Variants in ADGRL3 observed in about 807,000 individuals in gnomAD.
The protein encoded by ADGRL3 is adhesion G protein-coupled receptor L3.
ADGRL3 carries 62 observed loss-of-function variants against 153.5 expected under a neutral mutation model. The observed-to-expected ratio is 0.40, with a 90% confidence interval of 0.33 to 0.50. ADGRL3 has a LOEUF of 0.50. ADGRL3 is among the 20% of genes least tolerant of loss of function. ADGRL3 has a pLI of 0.47. For missense variants in ADGRL3, 1,641 were observed against 1,859.4 expected (o/e 0.88, Z 2.16); for synonymous variants, 710 against 672.5 (o/e 1.06, Z -0.86).
chr4:61,779,454 G>A (rs549274801), intron 8 of ADGRL3, among the ~76,000 whole-genome samples: 11 of 151,786 alleles, frequency 7.2e-5, no homozygotes, highest in African/African-American at 2.7e-4. Context: ...CCAACATGGT[G>A]AAACCCTGTT....
Position 62,037,804 on chromosome 4 carries a change from C to G in ADGRL3, c.3665C>G (p.Ser1222Ter). 6.2e-7 allele frequency: 1 copy of G among 1,613,710 alleles called. No homozygotes were observed. Among genetic ancestry groups the G allele is most frequent in the Non-Finnish European group, 8.5e-7 (1 of 1,179,732 alleles). Residue 1222 changes from serine (S) to a stop codon, truncating the protein, a stop_gained, in exon 24 of 27, where the codon TCA (serine) becomes TGA (stop). Transcript: ENST00000683033. LOFTEE classifies it high-confidence loss of function. ...AAAAGTACAGAGAGTTCCATTGGTT[C>G]AGGGAAAACATCTGGTTCTCGAACT... ...SGKSTESSIG[S>*]GKTSGSRTPG...
chr4:61,489,976 G>A (rs1166950977), intron 2 of ADGRL3, among the ~76,000 whole-genome samples: 1 of 151,756 alleles, frequency 6.6e-6, no homozygotes, highest in Non-Finnish European at 1.5e-5. Flanking sequence ...ATATTCCTTG[G>A]TATAGCCTTC....
At chr4:61,801,069 T>G (rs923646399) in intron 8 of ADGRL3, among the ~76,000 whole-genome samples, 2 of 152,118 alleles carry the variant, frequency 1.3e-5, no homozygotes, top group Non-Finnish European at 2.9e-5. Flanking sequence ...CAGTGGCAGG[T>G]GGTTCGGCAC....
intron 1 of ADGRL3, among the ~76,000 whole-genome samples, chr4:61,334,823 T>C (rs143455377): frequency 5.0e-4 from 76 of 152,260 alleles, no homozygotes; most frequent in African/African-American, 1.7e-3. Flanking sequence ...GGTGGGATTT[T>C]TCTATTCATC....
At chr4:61,678,813 T>G (rs1208143952) in intron 6 of ADGRL3, among the ~76,000 whole-genome samples, 1 of 152,116 alleles carries the variant, frequency 6.6e-6, no homozygotes, top group Non-Finnish European at 1.5e-5. Context: ...TCTGTTTAAA[T>G]TATCTGGAGT....
Position 61,535,003 on chromosome 4 carries a change from T to G in ADGRL3, c.259+17485T>G, listed in dbSNP as rs115005059. ...TAGGAGTGCTGAGAAGTGGACATCC[T>G]CATCTTTTTTGAGTTTTTAGGGGGA... On this transcript the variant is annotated intron_variant, in intron 4 of 26. Transcript: ENST00000683033. Among the ~76,000 whole-genome samples the G allele has an allele frequency of 9.7e-4, 147 of 152,246 alleles. 1 individual carries two copies. The highest frequency in any genetic ancestry group is 3.5e-3 in the African/African-American group (144 of 41,556).
chr4:61,264,540 CTTT>C lies in ADGRL3; in HGVS notation c.-240+62778_-240+62780del, dbSNP rs2092731436. The stretch of plus-strand genomic sequence containing the variant: ...AGATTCTCTCTCCTTCCCTTTCTTC[CTTT>C]TTAAAAATCACCCATGTATGTATTC... On this transcript the variant is annotated intron_variant, in intron 1 of 26. Coordinates refer to ENST00000683033, the MANE Select transcript of ADGRL3 (RefSeq NM_001387552.1). Among the ~76,000 whole-genome samples, 4 of 152,076 alleles carry C rather than the reference CTTT, an allele frequency of 2.6e-5. No individual in the cohort carries two copies. In the South Asian group the frequency reaches 8.3e-4, roughly 31 times the overall value.
At chr4:61,812,612 T>C (rs1167156184) in intron 8 of ADGRL3, among the ~76,000 whole-genome samples, 1 of 152,226 alleles carries the variant, frequency 6.6e-6, no homozygotes, top group Non-Finnish European at 1.5e-5. Flanking sequence ...CTTCTGTATA[T>C]AAAGTACCTT....
chr4:62,077,810 A>G lies in ADGRL3; in HGVS notation c.*6902A>G, dbSNP rs1197319023. On this transcript the variant is annotated 3_prime_UTR_variant, in exon 27 of 27. Coordinates refer to ENST00000683033, the MANE Select transcript of ADGRL3 (RefSeq NM_001387552.1). ...TCATCACCCTAAGTAATAAAAGCTG[A>G]TATGTCTTGAAACAACTATAGACAA... 4 of 152,008 alleles carry G rather than the reference A, an allele frequency of 2.6e-5. No homozygotes were observed. Among genetic ancestry groups the G allele is most frequent in the African/African-American group, 7.2e-5 (3 of 41,436 alleles). 9.4% of individuals were successfully genotyped at this position (152,008 alleles called of 1,614,324 possible). A position where few individuals can be genotyped will look rare whatever the true frequency, so the allele number is the denominator to read the frequency against.
intron 5 of ADGRL3, among the ~76,000 whole-genome samples, chr4:61,601,676 C>A (rs1560916842): frequency 6.6e-6 from 1 of 151,902 alleles, no homozygotes; most frequent in Non-Finnish European, 1.5e-5. Context: ...GTTTAATTTT[C>A]TCTATCATAC....
chr4:61,746,496 T>A (rs2096663298), intron 8 of ADGRL3, among the ~76,000 whole-genome samples: 1 of 152,074 alleles, frequency 6.6e-6, no homozygotes, highest in South Asian at 2.1e-4. Flanking sequence ...ACAGAAATTA[T>A]AACAAACTCT....
chr4:62,046,825 A>G (rs1731373382), intron 25 of ADGRL3, among the ~76,000 whole-genome samples: 1 of 151,828 alleles, frequency 6.6e-6, no homozygotes, highest in Admixed American at 6.6e-5. Flanking sequence ...TTTTATTCTC[A>G]TCTTATTTTT....
At chr4:61,358,653 T>A (rs1385834514) in intron 1 of ADGRL3, among the ~76,000 whole-genome samples, 1 of 151,664 alleles carries the variant, frequency 6.6e-6, no homozygotes, top group Non-Finnish European at 1.5e-5. Context: ...GAAAAACTTT[T>A]CTCAACTGTC....
In ADGRL3 at chr4:61,262,219, A is replaced by C. The variant is rs1257353502; in HGVS notation, c.-240+60454A>C. Among the ~76,000 whole-genome samples, 4 of 152,182 alleles carry C rather than the reference A, an allele frequency of 2.6e-5. No homozygotes were observed. The East Asian group carries it at 5.8e-4, about 22-fold the overall frequency. Reference sequence around the variant, plus strand: ...TCATTCAGCCATCTATGACAATGTAATTATAATACATTCTTTTTATTATGT... The same window carrying C: ...TCATTCAGCCATCTATGACAATGTACTTATAATACATTCTTTTTATTATGT... On this transcript the variant is annotated intron_variant, in intron 1 of 26. Transcript: ENST00000683033.
At chr4:61,394,473 T>G (rs1230177501) in intron 2 of ADGRL3, among the ~76,000 whole-genome samples, 2 of 152,012 alleles carry the variant, frequency 1.3e-5, no homozygotes, top group Non-Finnish European at 2.9e-5. Context: ...CTCCCCTTAC[T>G]GAACTTTTAC....
At chr4:61,987,297 C>A (rs2099089235) in intron 19 of ADGRL3, among the ~76,000 whole-genome samples, 1 of 151,880 alleles carries the variant, frequency 6.6e-6, no homozygotes, top group African/African-American at 2.4e-5. Context: ...TCCCGAGCAG[C>A]CGAGTAGCTG....
intron 1 of ADGRL3, among the ~76,000 whole-genome samples, chr4:61,281,684 G>A (rs1160009390): frequency 6.6e-6 from 1 of 152,066 alleles, no homozygotes; most frequent in Non-Finnish European, 1.5e-5. Flanking sequence ...TAAATCAGTA[G>A]AATTTCGTTA....
At chr4:61,278,809 G>A (rs555958927) in intron 1 of ADGRL3, among the ~76,000 whole-genome samples, 5 of 152,234 alleles carry the variant, frequency 3.3e-5, no homozygotes, top group South Asian at 2.1e-4. Flanking sequence ...CCTGGCCGTG[G>A]TACTACTTCA....
At chr4:61,331,189 C>G (rs2150967864) in intron 1 of ADGRL3, among the ~76,000 whole-genome samples, 1 of 152,152 alleles carries the variant, frequency 6.6e-6, no homozygotes, top group African/African-American at 2.4e-5. Context: ...CATTTTTGTG[C>G]ACAACAAATT....
Sources: allele counts gnomAD v4.1 joint callset (sites outside exome capture counted in the v4.1 genomes callset), GRCh38; gene constraint gnomAD v4.1.1; transcripts MANE v1.5; gene names NCBI Gene and HGNC (gene_info 2026-07-23, HGNC 2026-07-21).